CCDC171: variants seen among roughly 807,000 people sequenced by gnomAD.
CCDC171 encodes coiled-coil domain-containing protein 171.
CCDC171 carries 177 observed loss-of-function variants against 168.2 expected under a neutral mutation model. The observed-to-expected ratio is 1.05, with a 90% CI of 0.93 to 1.19. The LOEUF (loss-of-function observed/expected upper bound fraction) is 1.19. Ranked by LOEUF, CCDC171 falls within the 50% of genes most tolerant of loss-of-function variation. CCDC171 has a pLI of 0.00. For synonymous variants in CCDC171, 687 were observed against 540.8 expected (o/e 1.27, Z -3.75); for missense variants, 1,991 against 1,539.0 (o/e 1.29, Z -4.91).
chr9:15,757,785 C>A (rs1275422261), intron 18 of CCDC171, among the ~76,000 whole-genome samples: 2 of 152,184 alleles, frequency 1.3e-5, no homozygotes, highest in Admixed American at 6.5e-5. Context: ...GCTGCTCCAG[C>A]TGTGGGGCTG....
intron 24 of CCDC171, among the ~76,000 whole-genome samples, chr9:15,876,602 A>G (rs1346898681): frequency 6.6e-6 from 1 of 152,172 alleles, no homozygotes; most frequent in East Asian, 1.9e-4. Context: ...GTTACATGGT[A>G]AGAGTAAAAC....
chr9:15,851,797 G>A (rs538179452), intron 23 of CCDC171, among the ~76,000 whole-genome samples: 19 of 151,880 alleles, frequency 1.3e-4, no homozygotes, highest in African/African-American at 4.1e-4. Context: ...GGATTTTTCT[G>A]TTCTGGACAT....
intron 10 of CCDC171, among the ~76,000 whole-genome samples, chr9:15,687,027 A>C (rs769203367): frequency 1.3e-5 from 2 of 152,212 alleles, no homozygotes; most frequent in Non-Finnish European, 2.9e-5. Context: ...AGCCTCAATA[A>C]ATTTAAAAGG....
chr9:15,622,662 A>G (rs993937850), intron 6 of CCDC171, among the ~76,000 whole-genome samples: 3 of 152,152 alleles, frequency 2.0e-5, no homozygotes, highest in Non-Finnish European at 4.4e-5. Context: ...TTCAACTCCC[A>G]TTTCTGTGTT....
intron 21 of CCDC171, among the ~76,000 whole-genome samples, chr9:15,842,581 G>T (rs184881443): frequency 2.6e-5 from 4 of 151,786 alleles, no homozygotes; most frequent in Non-Finnish European, 5.9e-5. Flanking sequence ...GTTTTGATAA[G>T]GTTTTTTTTC....
intron 3 of CCDC171, among the ~76,000 whole-genome samples, chr9:16,013,320 A>G (rs956962804): frequency 1.3e-5 from 2 of 152,082 alleles, no homozygotes; most frequent in Admixed American, 6.6e-5. Flanking sequence ...GTTTCTCTCT[A>G]GCTTTCTGCC....
intron 6 of CCDC171, among the ~76,000 whole-genome samples, chr9:15,615,253 A>T (rs940116243): frequency 5.9e-5 from 9 of 152,174 alleles, no homozygotes; most frequent in Non-Finnish European, 8.8e-5. Flanking sequence ...GTAGTCAGTT[A>T]ATTAATGTAA....
intron 25 of CCDC171, among the ~76,000 whole-genome samples, chr9:15,962,034 ACATAT>A (rs1314958816): frequency 2.6e-5 from 4 of 152,196 alleles, no homozygotes; most frequent in Non-Finnish European, 5.9e-5. Context: ...AAGAATAATA[ACATAT>A]CATGACACAT....
intron 7 of CCDC171, among the ~76,000 whole-genome samples, chr9:15,631,367 A>T (rs1281783435): frequency 1.3e-5 from 2 of 152,184 alleles, no homozygotes; most frequent in Non-Finnish European, 2.9e-5. Context: ...AGAAATACAA[A>T]CTACCATCAG....
chr9:15,571,445 A>G (rs1440509365), intron 2 of CCDC171, among the ~76,000 whole-genome samples, 179 bp from the exon 3 acceptor site: 6 of 152,096 alleles, frequency 3.9e-5, no homozygotes, highest in Admixed American at 6.5e-5. Context: ...TATATATACT[A>G]CTTTGTATTT....
chr9:16,047,946 G>A (rs1051375542), intron 1 of CCDC171, among the ~76,000 whole-genome samples: 1 of 152,190 alleles, frequency 6.6e-6, no homozygotes, highest in African/African-American at 2.4e-5. Flanking sequence ...CTTCATCTTT[G>A]CTTCCTCATC....
At chr9:15,660,969 C>T (rs566803892) in intron 8 of CCDC171, among the ~76,000 whole-genome samples, 1 of 152,316 alleles carries the variant, frequency 6.6e-6, no homozygotes, top group Admixed American at 6.5e-5. Context: ...TTCTCAGCAG[C>T]CTCACCAGCA....
At chr9:15,736,405 C>T (rs1219153967) in intron 16 of CCDC171, among the ~76,000 whole-genome samples, 1 of 151,836 alleles carries the variant, frequency 6.6e-6, no homozygotes, top group Non-Finnish European at 1.5e-5. Flanking sequence ...GACTAGAGGT[C>T]AGTCGTGCGA....
intron 24 of CCDC171, among the ~76,000 whole-genome samples, chr9:15,909,258 T>C (rs1345335736): frequency 6.6e-6 from 1 of 152,222 alleles, no homozygotes; most frequent in African/African-American, 2.4e-5. Context: ...GTTACCATTG[T>C]AGAAGTATTC....
chr9:15,734,993 G>T (rs928586336), intron 16 of CCDC171, among the ~76,000 whole-genome samples: 1 of 152,122 alleles, frequency 6.6e-6, no homozygotes, highest in Non-Finnish European at 1.5e-5. Flanking sequence ...ATTAGTAAAA[G>T]ACACTAAATT....
rs552736004 is a variant in CCDC171, at chr9:15,941,583, C to T, written c.3753+21161C>T. On this transcript the variant is annotated intron_variant, in intron 25 of 25. Transcript: ENST00000380701. ...CATCTGATCAAAATTCTTATACCAA[C>T]GCTTGATATTTTTAATGTTTCAAAG... Among the ~76,000 whole-genome samples, 8 of 152,044 alleles carry T rather than the reference C, an allele frequency of 5.3e-5. No homozygotes were observed. In the East Asian group the frequency reaches 5.8e-4, roughly 11 times the overall value.
chr9:16,067,583 T>C, the CCDC171 span, among the ~76,000 whole-genome samples: 1 of 152,338 alleles, frequency 6.6e-6, no homozygotes, highest in Non-Finnish European at 1.5e-5. Flanking sequence ...TTCTCTGGTT[T>C]TTATGGTTTT....
At chr9:15,968,265 C>G (rs1472945679) in intron 25 of CCDC171, among the ~76,000 whole-genome samples, 1 of 152,084 alleles carries the variant, frequency 6.6e-6, no homozygotes, top group Non-Finnish European at 1.5e-5. Flanking sequence ...ACATAAGAGA[C>G]AGAACACCTC....
At chr9:15,582,511 C>G (rs996687110) in intron 4 of CCDC171, among the ~76,000 whole-genome samples, 2 of 152,024 alleles carry the variant, frequency 1.3e-5, no homozygotes, top group African/African-American at 4.8e-5. Context: ...TTCACAATAG[C>G]AAAGACTTGG....
Sources: gnomAD v4.1 joint callset for allele counts (sites outside exome capture counted in the v4.1 genomes callset) on GRCh38, gnomAD v4.1.1 for gene constraint, MANE v1.5 for transcripts, NCBI Gene and HGNC (gene_info 2026-07-23, HGNC 2026-07-21) for gene names.